Variants in RNF11 observed in about 807,000 individuals in gnomAD.
RNF11 encodes the protein ring finger protein 11.
RNF11 carries 4 observed loss-of-function variants against 15.8 expected under a neutral mutation model. The ratio of observed to expected loss-of-function variants is 0.25; its 90% CI spans 0.12 to 0.58. The LOEUF (loss-of-function observed/expected upper bound fraction) is 0.58, where lower values mean the gene tolerates loss of function less well. Among genes scored for constraint, RNF11 ranks in the 20% least tolerant of loss-of-function variants. The pLI is 0.91. For missense variants in RNF11, 139 were observed against 194.4 expected, an observed-to-expected ratio of 0.71 and a Z score of 1.70; for synonymous variants, 68 against 72.3, an observed-to-expected ratio of 0.94 and a Z score of 0.30.
chr1:51,259,335 G>T (rs979247636), intron 1 of RNF11, among the ~76,000 whole-genome samples: 1 of 152,096 alleles, frequency 6.6e-6, no homozygotes, highest in Non-Finnish European at 1.5e-5. Flanking sequence ...ACCTCAGTTA[G>T]GTCCTTAATT....
chr1:51,270,240 G>A (rs1364765392), intron 2 of RNF11, 115 bp downstream of exon 2: 5 of 709,164 alleles, frequency 7.1e-6, no homozygotes, highest in East Asian at 2.8e-5. Flanking sequence ...GAAACACTTC[G>A]CTTAATGCAA....
At chr1:51,246,281 AAAG>A (rs977545242) in intron 1 of RNF11, among the ~76,000 whole-genome samples, 1 of 152,012 alleles carries the variant, frequency 6.6e-6, no homozygotes, top group South Asian at 2.1e-4. Flanking sequence ...CAACAACAAA[AAAG>A]AAGACGACAG....
intron 1 of RNF11, among the ~76,000 whole-genome samples, chr1:51,264,317 T>TATATATATACAC (rs376694497): frequency 5.6e-4 from 42 of 75,478 alleles, no homozygotes; most frequent in Non-Finnish European, 7.2e-4. Context: ...TATATATATA[T>TATATATATACAC]ACACACACAC....
At chr1:51,257,172 G>A (rs1261764109) in intron 1 of RNF11, among the ~76,000 whole-genome samples, 1 of 152,146 alleles carries the variant, frequency 6.6e-6, no homozygotes, top group East Asian at 1.9e-4. Context: ...TGGCTGGAGG[G>A]GCTGGAGTTG....
chr1:51,265,383 G>GT (rs1646950289), intron 1 of RNF11, among the ~76,000 whole-genome samples: 1 of 149,982 alleles, frequency 6.7e-6, no homozygotes, highest in Non-Finnish European at 1.5e-5. Context: ...TTATAACCCT[G>GT]TCTTCCATTT....
rs1429563225 is a variant in RNF11, at chr1:51,236,592, G to C, written c.-165G>C. ...CTTGATCCCCCAACCCCGGGGGCTG[G>C]CATGAGCGGCCCCTCGGCGGCACCG... On this transcript the variant is annotated 5_prime_UTR_variant, in exon 1 of 3. Coordinates refer to ENST00000242719, the MANE Select transcript of RNF11 (RefSeq NM_014372.5). 1.3e-6 allele frequency: 1 copy of C among 779,016 alleles called. No homozygotes were observed. The highest frequency in any genetic ancestry group is 1.9e-5 in the African/African-American group (1 of 52,972). 48.3% of individuals were successfully genotyped at this position (779,016 alleles called of 1,614,324 possible). A position where few individuals can be genotyped will look rare whatever the true frequency, so the allele number is the denominator to read the frequency against.
At chr1:51,252,597 G>A (rs994073376) in intron 1 of RNF11, among the ~76,000 whole-genome samples, 5 of 151,880 alleles carry the variant, frequency 3.3e-5, no homozygotes, top group Admixed American at 6.6e-5. Context: ...CCTGGGTAAC[G>A]GGAGTGAAAC....
intron 1 of RNF11, chr1:51,250,684 C>A: frequency 1.1e-6 from 1 of 945,048 alleles, no homozygotes; most frequent in Admixed American, 1.9e-5. Context: ...AATTCCTGAT[C>A]GGGAGACTTG....
At chr1:51,258,553 GA>G (rs896675448) in intron 1 of RNF11, among the ~76,000 whole-genome samples, 2 of 152,192 alleles carry the variant, frequency 1.3e-5, no homozygotes, top group African/African-American at 4.8e-5. Context: ...TCTTTAAAAT[GA>G]AATGGGTCTT....
At chr1:51,240,157 T>TC (rs1202399795) in intron 1 of RNF11, among the ~76,000 whole-genome samples, 1 of 152,166 alleles carries the variant, frequency 6.6e-6, no homozygotes, top group Non-Finnish European at 1.5e-5. Context: ...AAAATCAGAT[T>TC]CCTTATAGTG....
At chr1:51,261,001 GAA>G (rs888331620) in intron 1 of RNF11, among the ~76,000 whole-genome samples, 2 of 152,110 alleles carry the variant, frequency 1.3e-5, no homozygotes, top group African/African-American at 4.8e-5. Context: ...AGAATCGAAA[GAA>G]AGAACCTTTA....
intron 1 of RNF11, among the ~76,000 whole-genome samples, chr1:51,253,654 G>C (rs1646891438): frequency 6.6e-6 from 1 of 152,022 alleles, no homozygotes; most frequent in African/African-American, 2.4e-5. Flanking sequence ...TTCTAGAGAG[G>C]GATGTAGGTA....
At chr1:51,248,085 C>A (rs1349668787) in intron 1 of RNF11, among the ~76,000 whole-genome samples, 1 of 147,430 alleles carries the variant, frequency 6.8e-6, no homozygotes, top group Non-Finnish European at 1.5e-5. Context: ...ATGCTTGATA[C>A]CTAGTTTCTT....
At chr1:51,253,621 T>G (rs1646891160) in intron 1 of RNF11, among the ~76,000 whole-genome samples, 1 of 151,970 alleles carries the variant, frequency 6.6e-6, no homozygotes, top group African/African-American at 2.4e-5. Flanking sequence ...AGTAAAATGA[T>G]CTCCATGTTC....
At chr1:51,246,016 A>C (rs1179673542) in intron 1 of RNF11, among the ~76,000 whole-genome samples, 3 of 152,150 alleles carry the variant, frequency 2.0e-5, no homozygotes, top group Non-Finnish European at 4.4e-5. Context: ...CTGTAATCTC[A>C]GTACTTTGGG....
chr1:51,256,418 A>T (rs1434000879), intron 1 of RNF11, among the ~76,000 whole-genome samples: 1 of 152,224 alleles, frequency 6.6e-6, no homozygotes, highest in African/African-American at 2.4e-5. Context: ...TTAGTGCTGA[A>T]TAACATTCCA....
At chr1:51,240,879 G>A (rs1473738913) in intron 1 of RNF11, among the ~76,000 whole-genome samples, 2 of 152,092 alleles carry the variant, frequency 1.3e-5, no homozygotes, top group Non-Finnish European at 2.9e-5. Context: ...CCCAGCTAGA[G>A]TGCAGTGGTG....
At chr1:51,264,615 T>C (rs2148073824) in intron 1 of RNF11, among the ~76,000 whole-genome samples, 1 of 152,148 alleles carries the variant, frequency 6.6e-6, no homozygotes, top group Middle Eastern at 3.4e-3. Context: ...AAGAGAAGGA[T>C]CAGAAGAGCT....
Position 51,271,579 on chromosome 1 carries a change from T to C in RNF11, c.*257T>C, listed in dbSNP as rs530090663. 8 of 319,170 alleles carry C rather than the reference T, an allele frequency of 2.5e-5. 1 individual carries two copies. In the South Asian group the frequency reaches 4.7e-4, roughly 19 times the overall value. 19.8% of individuals were successfully genotyped at this position (319,170 alleles called of 1,614,324 possible). On this transcript the variant is annotated 3_prime_UTR_variant, in exon 3 of 3. Coordinates refer to ENST00000242719, the MANE Select transcript of RNF11 (RefSeq NM_014372.5). ...AATTGTATTTAGATCTTGTTATTGC[T>C]CCAGTACATAGGAATTGTGTAAAGT...
Sources: gnomAD v4.1 joint callset for allele counts (sites outside exome capture counted in the v4.1 genomes callset) on GRCh38, gnomAD v4.1.1 for gene constraint, MANE v1.5 for transcripts, NCBI Gene and HGNC (gene_info 2026-07-23, HGNC 2026-07-21) for gene names.